Variants in PCSK9 observed in about 807,000 individuals in gnomAD.
PCSK9 encodes the protein convertase subtilisin/kexin type 9 preproprotein.
A neutral mutation model predicts 62.1 loss-of-function variants in PCSK9; 57 were observed. The observed-to-expected ratio is 0.92, with a 90% CI of 0.74 to 1.14. PCSK9 has a LOEUF of 1.14. PCSK9 is among the 50% of genes most tolerant of loss of function. The pLI, the probability that PCSK9 is intolerant of heterozygous loss-of-function variation, is 0.00. For missense variants in PCSK9, 870 were observed against 959.8 expected (o/e 0.91, Z 1.24); for synonymous variants, 387 against 409.4 (o/e 0.95, Z 0.66).
rs1406980682 is a variant in PCSK9 at position 55,040,579 on chromosome 1, G to T, written c.207+535G>T. Among the ~76,000 whole-genome samples the T allele has an allele frequency of 6.6e-6, 1 of 152,222 alleles. No homozygotes were observed. Among genetic ancestry groups the T allele is most frequent in the African/African-American group, 2.4e-5 (1 of 41,456 alleles). On this transcript the variant is annotated intron_variant, in intron 1 of 11. Transcript: ENST00000302118. The surrounding 1 kb of genome is among the most constrained non-coding windows in gnomAD (Gnocchi z 4.1). ...GGGCGGGGTGGGAAGGACGGCAGATGCTGGGAGCACGAGGCAATTTCTTTA... is the reference window on the plus strand; with the variant it reads ...GGGCGGGGTGGGAAGGACGGCAGATTCTGGGAGCACGAGGCAATTTCTTTA...
intron 3 of PCSK9, chr1:55,051,368 C>T (rs1644671732): frequency 2.8e-6 from 1 of 361,050 alleles, no homozygotes; most frequent in South Asian, 2.1e-5. Flanking sequence ...GCCATTTCCG[C>T]TGGCGCAGGA....
chr1:55,054,568 C>T (rs1163504242), intron 5 of PCSK9, among the ~76,000 whole-genome samples: 1 of 152,124 alleles, frequency 6.6e-6, no homozygotes, highest in African/African-American at 2.4e-5. Context: ...TCTTAGAGGC[C>T]AGGATCCAGA....
intron 3 of PCSK9, among the ~76,000 whole-genome samples, chr1:55,049,748 G>C (rs1316590763): frequency 6.6e-6 from 1 of 152,210 alleles, no homozygotes; most frequent in African/African-American, 2.4e-5. Context: ...GTCCCAGCAG[G>C]ACAGTGGGCT....
At position 55,058,050 on chromosome 1, in the gene PCSK9, A is replaced by G; in HGVS notation, c.1195A>G (p.Met399Val). 1.2e-6 allele frequency: 2 copies of G among 1,613,750 alleles called. No individual in the cohort carries two copies. Among genetic ancestry groups the G allele is most frequent in the Non-Finnish European group, 1.7e-6 (2 of 1,180,022 alleles). ...CCCTGCACCAGGCATTGCAGCCATG[A>G]TGCTGTCTGCCGAGCCGGAGCTCAC... is the stretch of plus-strand genomic sequence containing the variant. ...AAHVAGIAAM[M>V]LSAEPELTLA... The change falls in exon 8 of 12, where the codon ATG (methionine) becomes GTG (valine). Residue 399 changes from methionine to valine, a missense_variant. Coordinates refer to ENST00000302118, the MANE Select transcript of PCSK9 (RefSeq NM_174936.4).
intron 1 of PCSK9, among the ~76,000 whole-genome samples, chr1:55,042,351 G>A (rs948044067): frequency 5.3e-5 from 8 of 152,304 alleles, no homozygotes; most frequent in East Asian, 1.9e-4. Context: ...AGCACCTGAC[G>A]TGAACTGACA....
At chr1:55,041,989 C>G (rs1050759735) in intron 1 of PCSK9, among the ~76,000 whole-genome samples, 1 of 152,102 alleles carries the variant, frequency 6.6e-6, no homozygotes, top group African/African-American at 2.4e-5. Context: ...TCTTGTTGCC[C>G]AGGCTGGAGT....
In PCSK9 at chr1:55,039,913, G is replaced by A. The variant is rs1553135400; in HGVS notation, c.76G>A (p.Ala26Thr). ...LLLLLLLLGP[A>T]GARAQEDEDG... Reference sequence around the variant, plus strand: ...GCTGCTGCTGCTGCTCCTGGGTCCCGCGGGCGCCCGTGCGCAGGAGGACGA... The same window carrying A: ...GCTGCTGCTGCTGCTCCTGGGTCCCACGGGCGCCCGTGCGCAGGAGGACGA... The change falls in exon 1 of 12, where the codon GCG becomes ACG. Residue 26 changes from alanine (A) to threonine (T), a missense_variant. Transcript: ENST00000302118. The A allele has an allele frequency of 4.5e-6, 7 of 1,566,358 alleles. 1 individual carries two copies. Among genetic ancestry groups the A allele is most frequent in the Non-Finnish European group, 6.1e-6 (7 of 1,156,648 alleles).
Position 55,063,526 on chromosome 1 carries a change from C to T in PCSK9, c.2021C>T (p.Ala674Val). 1 of 1,613,620 alleles carries T rather than the reference C, an allele frequency of 6.2e-7. No homozygotes were observed. ...AGCACCAGCGAAGGGGCCGTGACAG[C>T]CGTTGCCATCTGCTGCCGGAGCCGG... Reference protein sequence around the residue: ...TGSTSEGAVTAVAICCRSRHL... With the variant: ...TGSTSEGAVTVVAICCRSRHL... The change falls in exon 12 of 12, where the codon GCC (alanine) becomes GTC (valine). Residue 674 changes from alanine to valine, a missense_variant. Physicochemically the swap from Ala to Val is moderately conservative, Grantham distance 64. Coordinates refer to ENST00000302118, the MANE Select transcript of PCSK9 (RefSeq NM_174936.4).
chr1:55,039,933 G>A lies in PCSK9; in HGVS notation c.96G>A (p.Glu32=), dbSNP rs1291205662. 6.4e-7 allele frequency: 1 copy of A among 1,572,032 alleles called. No individual in the cohort carries two copies. The highest frequency in any genetic ancestry group is 1.9e-5 in the Admixed American group (1 of 53,492). Reference sequence around the variant, plus strand: ...GTCCCGCGGGCGCCCGTGCGCAGGAGGACGAGGACGGCGACTACGAGGAGC... The same window carrying A: ...GTCCCGCGGGCGCCCGTGCGCAGGAAGACGAGGACGGCGACTACGAGGAGC... ...LLGPAGARAQ[E]DEDGDYEELV... Residue 32 remains glutamate, a synonymous_variant, in exon 1 of 12, where the codon GAG becomes GAA. Transcript: ENST00000302118.
At chr1:55,051,840 C>T (rs1017337892) in intron 3 of PCSK9, 3 of 280,470 alleles carry the variant, frequency 1.1e-5, no homozygotes, top group South Asian at 7.2e-5. Context: ...AGCCGGCCAG[C>T]GCAGGTGGCC....
chr1:55,057,276 C>G, intron 6 of PCSK9, 55 bp from the exon 7 acceptor site: 1 of 1,573,132 alleles, frequency 6.4e-7, no homozygotes, highest in Non-Finnish European at 8.7e-7. Flanking sequence ...GAGTCTGCCT[C>G]TGCAACCCCT....
At chr1:55,056,224 A>C in intron 6 of PCSK9, 35 bp downstream of exon 6, 1 of 216,374 alleles carries the variant, frequency 4.6e-6, no homozygotes, top group African/African-American at 1.0e-4. Context: ...AGGCGCGGGT[A>C]GGGGGCGGAG....
intron 11 of PCSK9, among the ~76,000 whole-genome samples, chr1:55,062,174 C>G (rs1363486377): frequency 6.6e-6 from 1 of 152,240 alleles, no homozygotes; most frequent in East Asian, 1.9e-4. Flanking sequence ...GTGCCAAGCC[C>G]TGGAATGTGA....
Position 55,059,523 on chromosome 1 carries a change from C to CT in PCSK9, c.1545dup (p.Gly516TrpfsTer3). On this transcript the variant is annotated frameshift_variant, in exon 10 of 12. Coordinates refer to ENST00000302118, the MANE Select transcript of PCSK9 (RefSeq NM_174936.4). LOFTEE classifies it high-confidence loss of function. ...AAGCTGGTCTGCCGGGCCCACAACG[C>CT]TTTTGGGGGTGAGGGTGTCTACGCC... 2.6e-6 allele frequency: 4 copies of CT among 1,565,508 alleles called. No individual in the cohort carries two copies. Among genetic ancestry groups the CT allele is most frequent in the Admixed American group, 1.9e-5 (1 of 52,238 alleles).
At chr1:55,058,008 CA>C in intron 7 of PCSK9, 27 bp from the exon 8 acceptor site, 1 of 1,613,498 alleles carries the variant, frequency 6.2e-7, no homozygotes, top group Non-Finnish European at 8.5e-7. Context: ...GGGCCATCAC[CA>C]TCTTTCACCA....
In PCSK9 at chr1:55,056,064, G is replaced by A. The variant is rs781740443; in HGVS notation, c.871G>A (p.Gly291Ser). The A allele has an allele frequency of 1.9e-6, 3 of 1,606,148 alleles. No individual in the cohort carries two copies. Among genetic ancestry groups the A allele is most frequent in the Non-Finnish European group, 2.6e-6 (3 of 1,175,432 alleles). The change falls in exon 6 of 12, where the codon GGT becomes AGT. Residue 291 changes from glycine to serine, a missense_variant. Gly to Ser is a moderately conservative substitution (Grantham distance 56). Transcript: ENST00000302118. Reference sequence around the variant, plus strand: ...ACTGGTGGTGCTGCTGCCCCTGGCGGGTGGGTACAGCCGCGTCCTCAACGC... The same window carrying A: ...ACTGGTGGTGCTGCTGCCCCTGGCGAGTGGGTACAGCCGCGTCCTCAACGC... ...GPLVVLLPLAGGYSRVLNAAC... is the reference protein window; with the variant it reads ...GPLVVLLPLASGYSRVLNAAC...
intron 1 of PCSK9, among the ~76,000 whole-genome samples, chr1:55,041,515 G>A (rs1309421393): frequency 6.6e-6 from 1 of 152,174 alleles, no homozygotes; most frequent in African/African-American, 2.4e-5. Flanking sequence ...CCTGAACCAA[G>A]CCCTTGAGGA....
chr1:55,052,810 C>T lies in PCSK9; in HGVS notation c.799+19C>T, dbSNP rs373188090. On this transcript the variant is annotated intron_variant, in intron 5 of 11. Transcript: ENST00000302118. ...CTCATAGGTAAGTGATGGCCCCAGA[C>T]GCTGGTCTCTCTCCATCTGGACCTG... is the stretch of plus-strand genomic sequence containing the variant. The T allele has an allele frequency of 2.7e-5, 44 of 1,612,788 alleles. No individual in the cohort carries two copies. Among genetic ancestry groups the T allele is most frequent in the African/African-American group, 9.3e-5 (7 of 74,930 alleles).
At chr1:55,044,177 C>A in intron 2 of PCSK9, 143 bp downstream of exon 2, 1 of 977,966 alleles carries the variant, frequency 1.0e-6, no homozygotes, top group Non-Finnish European at 1.6e-6. Context: ...GTACCAAGCA[C>A]AGTAACTACT....
Sources: gnomAD v4.1 joint callset for allele counts (sites outside exome capture counted in the v4.1 genomes callset) on GRCh38, gnomAD v4.1.1 for gene constraint, Gnocchi (gnomAD v3.1) non-coding constraint, MANE v1.5 for transcripts, NCBI Gene and HGNC (gene_info 2026-07-23, HGNC 2026-07-21) for gene names.